MGST1: variants seen among roughly 807,000 people sequenced by gnomAD.
MGST1 encodes the protein microsomal glutathione S-transferase 1.
MGST1 carries 5 observed loss-of-function variants against 8.9 expected under a neutral mutation model. That is an observed-to-expected ratio of 0.56 (90% CI 0.29 to 1.19). MGST1 has a LOEUF of 1.19. MGST1 is among the 50% of genes most tolerant of loss of function. MGST1 has a pLI of 0.08. For missense variants in MGST1, 182 were observed against 187.4 expected, an observed-to-expected ratio of 0.97 and a Z score of 0.17; for synonymous variants, 54 against 67.8, an observed-to-expected ratio of 0.80 and a Z score of 1.00.
chr12:16,520,010 A>G (rs947550213), intron 4 of MGST1, among the ~76,000 whole-genome samples: 1 of 152,206 alleles, frequency 6.6e-6, no homozygotes, highest in African/African-American at 2.4e-5. Context: ...TATTTAATAA[A>G]TAAACAACGA....
chr12:16,469,502 C>G (rs1234273074), intron 4 of MGST1, among the ~76,000 whole-genome samples: 1 of 152,072 alleles, frequency 6.6e-6, no homozygotes, highest in Non-Finnish European at 1.5e-5. Context: ...ATGCTCTATC[C>G]TATAGATGCC....
chr12:16,565,650 C>T (rs1166848782), intron 4 of MGST1, among the ~76,000 whole-genome samples: 2 of 151,946 alleles, frequency 1.3e-5, no homozygotes, highest in African/African-American at 4.8e-5. Flanking sequence ...GCAGTTAGGT[C>T]TACCACATAT....
rs528856823 is a variant in MGST1, at chr12:16,373,296, T to A, written c.222-2826T>A. On this transcript the variant is annotated intron_variant, in intron 3 of 3. Coordinates refer to the MGST1 transcript ENST00000535309. ...GATAAAGAGGGGTTGAGGAATGAGTTTGAGAATATGGTTGGATGGAAGGAA... is the reference window on the plus strand; with the variant it reads ...GATAAAGAGGGGTTGAGGAATGAGTATGAGAATATGGTTGGATGGAAGGAA... Among the ~76,000 whole-genome samples the A allele has an allele frequency of 5.3e-5, 8 of 151,602 alleles. No homozygotes were observed. In the South Asian group the frequency reaches 1.0e-3, roughly 20 times the overall value.
rs146725768 is a variant in MGST1, at chr12:16,586,767, G to A, written n.483-2761G>A. Among the ~76,000 whole-genome samples the A allele has an allele frequency of 1.3e-3, 200 of 152,242 alleles. No individual in the cohort carries two copies. Among genetic ancestry groups the A allele is most frequent in the Admixed American group, 1.8e-3 (27 of 15,278 alleles). The stretch of plus-strand genomic sequence containing the variant: ...ACTTGAGCTAAGCTCCTGTGGCTCA[G>A]ATTATTTATTGCATTACTTTTGTAA... On this transcript the variant is annotated intron_variant and non_coding_transcript_variant, in intron 4 of 4. Coordinates refer to the MGST1 transcript ENST00000538857. This position sits in a 1 kb window ranked among gnomAD's most constrained non-coding sequence, Gnocchi z 4.3.
chr12:16,408,588 C>T (rs1300819685), intron 1 of MGST1, among the ~76,000 whole-genome samples: 1 of 152,030 alleles, frequency 6.6e-6, no homozygotes, highest in Non-Finnish European at 1.5e-5. Context: ...TTACCAGCTT[C>T]TCTTTTAATT....
At chr12:16,486,369 A>G (rs959998853) in intron 4 of MGST1, among the ~76,000 whole-genome samples, 2 of 152,240 alleles carry the variant, frequency 1.3e-5, no homozygotes, top group African/African-American at 4.8e-5. Flanking sequence ...TTAGATAACT[A>G]ACATTGATGA....
At chr12:16,591,556 G>A (rs1222701170), downstream of MGST1, among the ~76,000 whole-genome samples, 1 of 151,950 alleles carries the variant, frequency 6.6e-6, no homozygotes, top group Non-Finnish European at 1.5e-5. This position sits in a 1 kb window ranked among gnomAD's most constrained non-coding sequence, Gnocchi z 4.1. Flanking sequence ...TTATGTCAAG[G>A]CCTTTTACAG....
chr12:16,538,825 G>C (rs1039553036), intron 4 of MGST1, among the ~76,000 whole-genome samples: 1 of 151,964 alleles, frequency 6.6e-6, no homozygotes, highest in Non-Finnish European at 1.5e-5. Context: ...AGCCAGGAGG[G>C]TATCGATCTC....
intron 4 of MGST1, among the ~76,000 whole-genome samples, chr12:16,564,944 C>G (rs991992643): frequency 6.6e-6 from 1 of 152,026 alleles, no homozygotes; most frequent in African/African-American, 2.4e-5. Flanking sequence ...TATCAACAGA[C>G]TTGGCTAATT....
At chr12:16,486,082 C>T (rs1034482083) in intron 4 of MGST1, among the ~76,000 whole-genome samples, 1 of 152,192 alleles carries the variant, frequency 6.6e-6, no homozygotes, top group Non-Finnish European at 1.5e-5. Context: ...GTTCCCTGCT[C>T]TTATTCAGGC....
At chr12:16,376,408 A>G (rs73064116) in exon 4 of MGST1, 24,974 of 304,632 alleles carry the variant, frequency 0.082, 1,125 homozygotes, top group East Asian at 0.14. Context: ...ATCTCCACGA[A>G]TCTCTAATTT....
At chr12:16,473,844 G>A (rs555092394) in intron 4 of MGST1, among the ~76,000 whole-genome samples, 151 of 152,198 alleles carry the variant, frequency 9.9e-4, no homozygotes, top group Admixed American at 1.8e-3. Flanking sequence ...CTGTACCACT[G>A]CACTCCAGAC....
intron 4 of MGST1, chr12:16,551,414 T>G (rs896469186): frequency 2.2e-5 from 17 of 789,228 alleles, no homozygotes; most frequent in Non-Finnish European, 3.2e-5. Context: ...ATTAATAGTT[T>G]CGCATGGTAA....
intron 4 of MGST1, among the ~76,000 whole-genome samples, chr12:16,444,036 T>G (rs552202560): frequency 6.6e-6 from 1 of 151,896 alleles, no homozygotes; most frequent in Non-Finnish European, 1.5e-5. Flanking sequence ...ATCAGTCAGA[T>G]AGCGTAGCCA....
At chr12:16,397,562 A>G (rs1455796644) in intron 1 of MGST1, among the ~76,000 whole-genome samples, 4 of 151,988 alleles carry the variant, frequency 2.6e-5, no homozygotes, top group Non-Finnish European at 5.9e-5. Flanking sequence ...ACTACAAGGA[A>G]CTCAAACAAA....
Position 16,482,693 on chromosome 12 carries a change from A to G in MGST1, n.482+99089A>G, listed in dbSNP as rs1941372457. Among the ~76,000 whole-genome samples, 2 of 152,088 alleles carry G rather than the reference A, an allele frequency of 1.3e-5. No homozygotes were observed. Among genetic ancestry groups the G allele is most frequent in the Non-Finnish European group, 2.9e-5 (2 of 67,980 alleles). ...CAAGAACATGTAAAAATGCAACAAC[A>G]AGTTGATTGTTCTAGAGACAGGTAT... On this transcript the variant is annotated intron_variant and non_coding_transcript_variant, in intron 4 of 4. Coordinates refer to the MGST1 transcript ENST00000538857. The surrounding 1 kb of genome is among the most constrained non-coding windows in gnomAD (Gnocchi z 4.2).
At position 16,587,187 on chromosome 12, in the gene MGST1, T is replaced by C. The variant is rs1363059991; in HGVS notation, n.483-2341T>C. Among the ~76,000 whole-genome samples the C allele has an allele frequency of 2.0e-5, 3 of 152,158 alleles. No homozygotes were observed. The highest frequency in any genetic ancestry group is 4.4e-5 in the Non-Finnish European group (3 of 68,018). ...GACCTGTCAATCTCAAATATATTCA[T>C]AAGCTACACACACGAAAATGAAATG... On this transcript the variant is annotated intron_variant and non_coding_transcript_variant, in intron 4 of 4. Transcript: ENST00000538857. This position sits in a 1 kb window ranked among gnomAD's most constrained non-coding sequence, Gnocchi z 4.3.
chr12:16,405,381 T>C (rs1459186514), intron 1 of MGST1, among the ~76,000 whole-genome samples: 1 of 151,786 alleles, frequency 6.6e-6, no homozygotes, highest in Non-Finnish European at 1.5e-5. Flanking sequence ...AAATTAAGTC[T>C]CTTAACAGAT....
At chr12:16,535,563 T>C (rs1360969985) in intron 4 of MGST1, among the ~76,000 whole-genome samples, 1 of 152,206 alleles carries the variant, frequency 6.6e-6, no homozygotes, top group African/African-American at 2.4e-5. Context: ...CCCAGTTACA[T>C]GCAGGAAAAT....
Sources: gnomAD v4.1 joint callset for allele counts (sites outside exome capture counted in the v4.1 genomes callset) on GRCh38, gnomAD v4.1.1 for gene constraint, Gnocchi (gnomAD v3.1) non-coding constraint, MANE v1.5 for transcripts, NCBI Gene and HGNC (gene_info 2026-07-23, HGNC 2026-07-21) for gene names.